The following RIMS2 variants were observed in gnomAD, a reference collection of about 807,000 sequenced individuals.
RIMS2 encodes the protein regulating synaptic membrane exocytosis protein 2.
A neutral mutation model predicts 174.4 loss-of-function variants in RIMS2; 59 were observed. The ratio of observed to expected loss-of-function variants is 0.34; its 90% CI spans 0.27 to 0.42. The LOEUF is 0.42. Among genes scored for constraint, RIMS2 ranks in the 10% least tolerant of loss-of-function variants. The pLI, the probability that RIMS2 is intolerant of heterozygous loss-of-function variation, is 1.00. For synonymous variants in RIMS2, 606 were observed against 572.5 expected (o/e 1.06, Z -0.84); for missense variants, 1,620 against 1,666.3 (o/e 0.97, Z 0.48).
chr8:104,238,567 A>T (rs1443525820), intron 19 of RIMS2, among the ~76,000 whole-genome samples: 1 of 152,152 alleles, frequency 6.6e-6, no homozygotes, highest in Non-Finnish European at 1.5e-5. Flanking sequence ...TTTAAATTTT[A>T]GGAATTAAAG....
chr8:104,118,371 T>TTTTTTTGTTTTTTTG (rs368286929), intron 19 of RIMS2, among the ~76,000 whole-genome samples: 1 of 98,894 alleles, frequency 1.0e-5, no homozygotes, highest in African/African-American at 3.9e-5. Context: ...TGTTTTTTTG[T>TTTTTTTGTTTTTTTG]TTTTTTTTTT....
chr8:104,055,959 C>T (rs1168272499), intron 19 of RIMS2, among the ~76,000 whole-genome samples: 3 of 152,048 alleles, frequency 2.0e-5, no homozygotes, highest in African/African-American at 7.2e-5. Flanking sequence ...TCTTCTCTGC[C>T]TCTGCACACA....
chr8:104,223,803 C>G (rs756624612), intron 19 of RIMS2: 18 of 1,591,618 alleles, frequency 1.1e-5, no homozygotes, highest in Non-Finnish European at 1.2e-5. Flanking sequence ...GGTGAGACAC[C>G]CCTTCCCCCG....
At chr8:103,716,524 T>TCAA (rs1392794295) in intron 2 of RIMS2, among the ~76,000 whole-genome samples, 1 of 152,044 alleles carries the variant, frequency 6.6e-6, no homozygotes, top group East Asian at 1.9e-4. Flanking sequence ...ACACTTCATA[T>TCAA]ATTATAGATG....
chr8:104,120,259 C>T (rs948150159), intron 19 of RIMS2, among the ~76,000 whole-genome samples: 17 of 152,074 alleles, frequency 1.1e-4, no homozygotes, highest in African/African-American at 3.9e-4. Context: ...AGCATATGAG[C>T]TAGATCATAA....
chr8:103,623,645 C>T (rs559740694), intron 1 of RIMS2, among the ~76,000 whole-genome samples: 5 of 147,216 alleles, frequency 3.4e-5, no homozygotes, highest in South Asian at 2.1e-4. Flanking sequence ...CCACCACGCC[C>T]GGCTAATTTT....
At chr8:103,797,415 G>A (rs2098557213) in intron 3 of RIMS2, among the ~76,000 whole-genome samples, 1 of 152,046 alleles carries the variant, frequency 6.6e-6, no homozygotes, top group Admixed American at 6.5e-5. Flanking sequence ...TTCTAGAAAT[G>A]GAATACTAGT....
chr8:103,768,788 G>T, intron 3 of RIMS2: 1 of 717,394 alleles, frequency 1.4e-6, no homozygotes. Flanking sequence ...AAGAAACCTA[G>T]GACCAAAGCA....
chr8:103,933,896 CAG>C (rs1196757451), intron 12 of RIMS2, among the ~76,000 whole-genome samples: 1 of 151,974 alleles, frequency 6.6e-6, no homozygotes, highest in African/African-American at 2.4e-5. Context: ...AACAAGTAAA[CAG>C]AAAACAATTG....
Position 103,676,824 on chromosome 8 carries a change from A to G in RIMS2, c.177-20262A>G, listed in dbSNP as rs551827491. Among the ~76,000 whole-genome samples, 6 of 152,198 alleles carry G rather than the reference A, an allele frequency of 3.9e-5. No individual in the cohort carries two copies. The East Asian group carries it at 1.2e-3, about 29-fold the overall frequency. ...ATGGTGAAACACTGTCTCTACTAAA[A>G]ATGCAAAAAATTAGCCAGGCATGGT... On this transcript the variant is annotated intron_variant, in intron 1 of 23. Transcript: ENST00000504942.
intron 4 of RIMS2, among the ~76,000 whole-genome samples, chr8:103,904,853 T>G (rs1309718819): frequency 6.6e-6 from 1 of 152,086 alleles, no homozygotes; most frequent in East Asian, 1.9e-4. Context: ...AACTTTTTTT[T>G]TAAACATTTT....
At chr8:103,734,267 T>C (rs1019162054) in intron 2 of RIMS2, among the ~76,000 whole-genome samples, 2 of 149,058 alleles carry the variant, frequency 1.3e-5, no homozygotes, top group Non-Finnish European at 3.0e-5. Flanking sequence ...CACCTCGGCC[T>C]CCCAAAGTGT....
chr8:104,039,355 G>C (rs2096570713), intron 19 of RIMS2, among the ~76,000 whole-genome samples: 2 of 151,520 alleles, frequency 1.3e-5, no homozygotes, highest in Non-Finnish European at 3.0e-5. Flanking sequence ...TTGTATCATT[G>C]GGTAAGTCAC....
At chr8:103,578,855 G>A (rs2469968) in intron 1 of RIMS2, among the ~76,000 whole-genome samples, 1 of 151,460 alleles carries the variant, frequency 6.6e-6, no homozygotes, top group South Asian at 2.1e-4. Context: ...AGCCGGGCAT[G>A]GTGGCACACA....
chr8:104,039,215 A>AT (rs2096568503), intron 19 of RIMS2, among the ~76,000 whole-genome samples: 1 of 151,602 alleles, frequency 6.6e-6, no homozygotes, highest in Non-Finnish European at 1.5e-5. Flanking sequence ...TGAGAGAATT[A>AT]TTTTTTCTTC....
At chr8:103,515,106 C>T (rs1371401874) in intron 1 of RIMS2, among the ~76,000 whole-genome samples, 1 of 151,858 alleles carries the variant, frequency 6.6e-6, no homozygotes, top group Non-Finnish European at 1.5e-5. Context: ...TTGAAATTTC[C>T]TCTGATAATG....
At chr8:103,601,850 A>G (rs2094762222) in intron 1 of RIMS2, among the ~76,000 whole-genome samples, 2 of 151,972 alleles carry the variant, frequency 1.3e-5, no homozygotes, top group African/African-American at 4.8e-5. Context: ...AGGCTTGCAA[A>G]GACTTTCTTA....
intron 1 of RIMS2, among the ~76,000 whole-genome samples, chr8:103,635,893 T>C (rs906692437): frequency 6.6e-6 from 1 of 151,746 alleles, no homozygotes; most frequent in South Asian, 2.1e-4. Flanking sequence ...TTTAGATCTC[T>C]TTTGGCTGGA....
At chr8:103,597,369 T>A (rs913824601) in intron 1 of RIMS2, among the ~76,000 whole-genome samples, 1 of 152,132 alleles carries the variant, frequency 6.6e-6, no homozygotes, top group African/African-American at 2.4e-5. Flanking sequence ...ATGCACATTA[T>A]TTTCTGTTGG....
Sources: allele counts gnomAD v4.1 joint callset (sites outside exome capture counted in the v4.1 genomes callset), GRCh38; gene constraint gnomAD v4.1.1; transcripts MANE v1.5; gene names NCBI Gene and HGNC (gene_info 2026-07-23, HGNC 2026-07-21).